Variants in FAM53A observed in about 807,000 individuals in gnomAD.
FAM53A encodes the protein family with sequence similarity 53 member A.
Under a neutral mutation model 26.6 loss-of-function variants are expected in FAM53A, and 28 were observed. The ratio of observed to expected loss-of-function variants is 1.05; its 90% confidence interval spans 0.78 to 1.45. FAM53A has a LOEUF of 1.45. FAM53A is among the 40% of genes most tolerant of loss of function. The probability of loss-of-function intolerance (pLI) is 0.00; values close to 1 mark genes in which losing one functional copy is unlikely to be tolerated. For synonymous variants in FAM53A, 290 were observed against 253.1 expected (o/e 1.15, Z -1.38); for missense variants, 650 against 575.8 (o/e 1.13, Z -1.32).
intron 1 of FAM53A, among the ~76,000 whole-genome samples, chr4:1,629,912 C>A (rs977643395): frequency 6.6e-6 from 1 of 152,136 alleles, no homozygotes; most frequent in Non-Finnish European, 1.5e-5. Context: ...GGGCCTCACA[C>A]CCCGGCTTAA....
At chr4:1,602,561 C>G in the FAM53A span, among the ~76,000 whole-genome samples, 6 of 152,160 alleles carry the variant, frequency 3.9e-5, no homozygotes, top group Admixed American at 1.3e-4. Context: ...GCTGCTGCTG[C>G]CCGAAAATAA....
intron 2 of FAM53A, among the ~76,000 whole-genome samples, chr4:1,663,097 G>A (rs991946365): frequency 1.3e-5 from 2 of 152,156 alleles, no homozygotes; most frequent in East Asian, 3.9e-4. Flanking sequence ...TACTTGGGAG[G>A]CTGAGGCGTG....
chr4:1,601,687 T>C, the FAM53A span, among the ~76,000 whole-genome samples: 1 of 109,024 alleles, frequency 9.2e-6, no homozygotes, highest in Non-Finnish European at 2.2e-5. Flanking sequence ...AGGAGCAACA[T>C]TTGTCTCTCC....
chr4:1,636,836 C>G (rs2108787771), downstream of FAM53A, among the ~76,000 whole-genome samples: 1 of 152,342 alleles, frequency 6.6e-6, no homozygotes, highest in Middle Eastern at 3.4e-3. Context: ...ACCTCCCTCC[C>G]TCCACCCAAA....
downstream of FAM53A, among the ~76,000 whole-genome samples, chr4:1,616,606 G>A (rs1714819678): frequency 6.6e-6 from 1 of 152,256 alleles, no homozygotes; most frequent in Non-Finnish European, 1.5e-5. Flanking sequence ...TAGTTTATTT[G>A]AGCAAATACA....
At chr4:1,658,555 C>T (rs766037849) in intron 2 of FAM53A, among the ~76,000 whole-genome samples, 34 of 152,352 alleles carry the variant, frequency 2.2e-4, no homozygotes, top group Non-Finnish European at 3.7e-4. Context: ...TCCAGGGAGA[C>T]GTCCAGAGGG....
chr4:1,596,515 C>G, the FAM53A span, among the ~76,000 whole-genome samples: 1 of 151,624 alleles, frequency 6.6e-6, no homozygotes, highest in South Asian at 2.1e-4. Context: ...ACCCTCCTGG[C>G]CCTCCACTGC....
At chr4:1,629,948 T>C (rs1336831260) in intron 1 of FAM53A, among the ~76,000 whole-genome samples, 2 of 152,062 alleles carry the variant, frequency 1.3e-5, no homozygotes, top group Admixed American at 6.5e-5. Flanking sequence ...AGATGGGCCC[T>C]GGCCTGAGCA....
intron 1 of FAM53A, among the ~76,000 whole-genome samples, chr4:1,622,035 G>A (rs559016920): frequency 3.5e-4 from 53 of 152,140 alleles, no homozygotes; most frequent in Non-Finnish European, 6.6e-4. Flanking sequence ...CTGCTCTCTC[G>A]CCTTCCTCCT....
chr4:1,579,386 T>C, the FAM53A span, among the ~76,000 whole-genome samples: 1 of 151,288 alleles, frequency 6.6e-6, no homozygotes, highest in African/African-American at 2.4e-5. Context: ...TACTACCCCA[T>C]GGGGACCGGC....
the FAM53A span, among the ~76,000 whole-genome samples, chr4:1,609,279 C>G: frequency 6.6e-6 from 1 of 152,108 alleles, no homozygotes; most frequent in Admixed American, 6.5e-5. Flanking sequence ...CCCTCATCAG[C>G]CCCTCGGGCC....
downstream of FAM53A, among the ~76,000 whole-genome samples, chr4:1,614,259 C>T (rs911458995): frequency 7.2e-5 from 11 of 152,202 alleles, no homozygotes; most frequent in African/African-American, 2.6e-4. Context: ...GCTCCACGGC[C>T]CCACTTCAGG....
intron 2 of FAM53A, among the ~76,000 whole-genome samples, chr4:1,668,232 C>T (rs956597657): frequency 3.3e-5 from 5 of 152,082 alleles, no homozygotes; most frequent in Non-Finnish European, 5.9e-5. Flanking sequence ...CTCCGCCTCC[C>T]GGGTGCATGC....
At chr4:1,675,540 C>T (rs926165641) in intron 1 of FAM53A, among the ~76,000 whole-genome samples, 5 of 152,132 alleles carry the variant, frequency 3.3e-5, no homozygotes, top group African/African-American at 9.7e-5. Flanking sequence ...GTAACTGCAC[C>T]GTAAATCCCT....
In FAM53A at chr4:1,668,700, C is replaced by T; in HGVS notation, c.42G>A (p.Leu14=). 6.2e-7 allele frequency: 1 copy of T among 1,614,194 alleles called. No individual in the cohort carries two copies. The highest frequency in any genetic ancestry group is 1.1e-5 in the South Asian group (1 of 91,086). The change falls in exon 2 of 5, where the codon CTG becomes CTA. Residue 14 remains leucine, a synonymous_variant. Coordinates refer to ENST00000308132, the MANE Select transcript of FAM53A (RefSeq NM_001174070.3). ...LITEKLQSQS[L]DDLTCKAEAG... Reference sequence around the variant, plus strand: ...CCTCCGCCTTGCAGGTGAGGTCGTCCAGGCTCTGGCTCTGCAGCTTCTCAG... The same window carrying T: ...CCTCCGCCTTGCAGGTGAGGTCGTCTAGGCTCTGGCTCTGCAGCTTCTCAG...
At chr4:1,588,506 G>A in the FAM53A span, among the ~76,000 whole-genome samples, 24 of 152,296 alleles carry the variant, frequency 1.6e-4, no homozygotes, top group Non-Finnish European at 2.9e-4. Flanking sequence ...CTTGCTGGGG[G>A]TGGGGGCACC....
At chr4:1,603,530 G>A in the FAM53A span, among the ~76,000 whole-genome samples, 72 of 152,244 alleles carry the variant, frequency 4.7e-4, no homozygotes, top group African/African-American at 1.6e-3. Context: ...GTGGGGCCCG[G>A]CACCCCATCC....
intron 4 of FAM53A, among the ~76,000 whole-genome samples, chr4:1,647,708 GGTGCACATGAGTGGGAGT>G (rs1159028835): frequency 5.8e-4 from 88 of 152,344 alleles, no homozygotes; most frequent in African/African-American, 1.7e-3. Flanking sequence ...AGCATGCAGC[GGTGCACATGAGTGGGAGT>G]GTGCACATGA....
At chr4:1,637,193 G>A (rs1230490872), downstream of FAM53A, among the ~76,000 whole-genome samples, 1 of 152,120 alleles carries the variant, frequency 6.6e-6, no homozygotes, top group African/African-American at 2.4e-5. Context: ...GCTCGGGTGG[G>A]GGGTGGGGGC....
Sources: allele counts gnomAD v4.1 joint callset (sites outside exome capture counted in the v4.1 genomes callset), GRCh38; gene constraint gnomAD v4.1.1; transcripts MANE v1.5; gene names NCBI Gene and HGNC (gene_info 2026-07-23, HGNC 2026-07-21).